COLEC12: variants seen among roughly 807,000 people sequenced by gnomAD.
COLEC12 encodes the protein collectin-12.
A neutral mutation model predicts 71.1 loss-of-function variants in COLEC12; 33 were observed. That is an observed-to-expected ratio of 0.46 (90% CI 0.35 to 0.62). COLEC12 has a LOEUF of 0.62. Ranked by LOEUF, COLEC12 falls within the 20% of genes least tolerant of loss-of-function variation. The probability of loss-of-function intolerance (pLI) is 0.00; values close to 1 mark genes in which losing one functional copy is unlikely to be tolerated. For missense variants in COLEC12, 765 were observed against 916.1 expected (o/e 0.84, Z 2.13); for synonymous variants, 350 against 353.0 (o/e 0.99, Z 0.10).
chr18:433,513 G>T (rs1436296776), intron 2 of COLEC12, among the ~76,000 whole-genome samples: 1 of 152,066 alleles, frequency 6.6e-6, no homozygotes, highest in African/African-American at 2.4e-5. Context: ...TAGACCATTG[G>T]TTTCTTAGGA....
chr18:363,405 C>T (rs1914790288), intron 2 of COLEC12, among the ~76,000 whole-genome samples: 1 of 152,150 alleles, frequency 6.6e-6, no homozygotes, highest in Non-Finnish European at 1.5e-5. Flanking sequence ...TCACAAGTGT[C>T]TATAGCTCAG....
At chr18:355,090 T>A (rs1193982236) in intron 3 of COLEC12, among the ~76,000 whole-genome samples, 1 of 150,188 alleles carries the variant, frequency 6.7e-6, no homozygotes, top group African/African-American at 2.5e-5. Flanking sequence ...CATCCATCCA[T>A]CCTCCCATTA....
At chr18:334,662 G>T in intron 6 of COLEC12, 80 bp downstream of exon 6, 1 of 1,244,242 alleles carries the variant, frequency 8.0e-7, no homozygotes, top group Non-Finnish European at 1.1e-6. Context: ...ACATGGGTGG[G>T]GCCACACACT....
chr18:482,907 C>T (rs777929281), intron 1 of COLEC12, among the ~76,000 whole-genome samples: 4 of 152,024 alleles, frequency 2.6e-5, no homozygotes, highest in Non-Finnish European at 5.9e-5. Context: ...GCTACCGTGC[C>T]CACCCAATCT....
intron 2 of COLEC12, among the ~76,000 whole-genome samples, chr18:447,726 G>C (rs919100349): frequency 6.6e-6 from 1 of 152,146 alleles, no homozygotes; most frequent in African/African-American, 2.4e-5. Flanking sequence ...CCAGAGCTTA[G>C]ATACTTTGCT....
intron 2 of COLEC12, among the ~76,000 whole-genome samples, chr18:363,668 A>C (rs1212053322): frequency 6.6e-6 from 1 of 152,240 alleles, no homozygotes; most frequent in African/African-American, 2.4e-5. Context: ...AAACAATAAG[A>C]GTTAACAACC....
intron 2 of COLEC12, among the ~76,000 whole-genome samples, chr18:422,813 T>TGTAA (rs1440487695): frequency 6.6e-6 from 1 of 152,168 alleles, no homozygotes; most frequent in Non-Finnish European, 1.5e-5. Context: ...AGATAAAACG[T>TGTAA]GTAAGTTATT....
At chr18:414,151 T>C (rs7243851) in intron 2 of COLEC12, among the ~76,000 whole-genome samples, 118,547 of 152,096 alleles carry the variant, frequency 0.78, 47,633 homozygotes, top group Admixed American at 0.87. Context: ...AAGGGGTACA[T>C]AGGAACTCCA....
At chr18:438,583 C>A (rs1038067200) in intron 2 of COLEC12, among the ~76,000 whole-genome samples, 2 of 152,068 alleles carry the variant, frequency 1.3e-5, no homozygotes, top group African/African-American at 2.4e-5. Flanking sequence ...GAGGCCAAGG[C>A]AGGAGATCAC....
intron 2 of COLEC12, among the ~76,000 whole-genome samples, chr18:420,277 G>T (rs2846657): frequency 0.92 from 139,100 of 151,948 alleles, 64,403 homozygotes; most frequent in East Asian, 1. Context: ...TGATGGCAAT[G>T]TAACACGTGT....
At chr18:392,845 T>C (rs1915491603) in intron 2 of COLEC12, among the ~76,000 whole-genome samples, 1 of 152,240 alleles carries the variant, frequency 6.6e-6, no homozygotes, top group Non-Finnish European at 1.5e-5. Flanking sequence ...ACCGGTTACT[T>C]CTCTTCCATG....
chr18:402,500 CT>C (rs76357754), intron 2 of COLEC12, among the ~76,000 whole-genome samples: 5,628 of 152,104 alleles, frequency 0.037, 166 homozygotes, highest in East Asian at 0.17. Flanking sequence ...AAAGAGGGTA[CT>C]TTTAATAGTT....
intron 2 of COLEC12, among the ~76,000 whole-genome samples, chr18:363,219 C>G (rs747614931): frequency 6.6e-6 from 1 of 152,032 alleles, no homozygotes; most frequent in African/African-American, 2.4e-5. Flanking sequence ...TCTGTTTTTC[C>G]GATCTTTTTG....
chr18:393,579 C>T (rs1915508353), intron 2 of COLEC12, among the ~76,000 whole-genome samples: 1 of 152,206 alleles, frequency 6.6e-6, no homozygotes, highest in Non-Finnish European at 1.5e-5. Flanking sequence ...ATCTGCCATG[C>T]ACTTTCATGT....
intron 2 of COLEC12, among the ~76,000 whole-genome samples, chr18:392,318 C>G (rs866780916): frequency 6.6e-6 from 1 of 152,130 alleles, no homozygotes; most frequent in Admixed American, 6.5e-5. Flanking sequence ...AATAACTGCA[C>G]TAAAATCAAA....
At chr18:484,203 T>G (rs553453946) in intron 1 of COLEC12, among the ~76,000 whole-genome samples, 1 of 152,356 alleles carries the variant, frequency 6.6e-6, no homozygotes, top group East Asian at 1.9e-4. Flanking sequence ...TCTGACTGAC[T>G]TCTCTCTCCT....
At chr18:355,364 G>A (rs1041420408) in intron 3 of COLEC12, among the ~76,000 whole-genome samples, 5 of 152,096 alleles carry the variant, frequency 3.3e-5, no homozygotes, top group Admixed American at 2.6e-4. Flanking sequence ...GGGTGGGAGG[G>A]AGGCACTTTA....
At chr18:411,767 G>A (rs1208134821) in intron 2 of COLEC12, among the ~76,000 whole-genome samples, 6 of 152,130 alleles carry the variant, frequency 3.9e-5, no homozygotes, top group Middle Eastern at 3.2e-3. Context: ...TTAGCCAGGC[G>A]TAGTGGCATG....
Position 331,437 on chromosome 18 carries a change from G to GA in COLEC12, c.2063+230dup, listed in dbSNP as rs567613858. The stretch of plus-strand genomic sequence containing the variant: ...GTTTCATGATTTTTTTCTTAGAAAT[G>GA]AAAAAAAATTCACTCCATGAAAAGA... On this transcript the variant is annotated intron_variant, in intron 8 of 9. Coordinates refer to ENST00000400256, the MANE Select transcript of COLEC12 (RefSeq NM_130386.3). Among the ~76,000 whole-genome samples, 553 of 151,818 alleles carry GA rather than the reference G, an allele frequency of 3.6e-3. 8 individuals carry two copies. Among genetic ancestry groups the GA allele is most frequent in the African/African-American group, 0.012 (508 of 41,448 alleles).
Sources: gnomAD v4.1 joint callset for allele counts (sites outside exome capture counted in the v4.1 genomes callset) on GRCh38, gnomAD v4.1.1 for gene constraint, MANE v1.5 for transcripts, NCBI Gene and HGNC (gene_info 2026-07-23, HGNC 2026-07-21) for gene names.